The following AKR1C8 variants were observed in gnomAD, a reference collection of about 807,000 sequenced individuals.
AKR1C8 encodes aldo-keto reductase family 1 member C8.
the AKR1C8 span, among the ~76,000 whole-genome samples, chr10:5,174,283 A>T: frequency 7.0e-5 from 2 of 28,456 alleles, no homozygotes; most frequent in Admixed American, 3.2e-4. Context: ...GATGTCTATA[A>T]AAAAAAAAAC....
the AKR1C8 span, among the ~76,000 whole-genome samples, chr10:5,183,379 C>A: frequency 6.6e-6 from 1 of 152,072 alleles, no homozygotes; most frequent in African/African-American, 2.4e-5. Context: ...ATAACTATAA[C>A]TACCAATTAT....
chr10:5,150,788 T>C, the AKR1C8 span, among the ~76,000 whole-genome samples: 4,794 of 152,180 alleles, frequency 0.032, 255 homozygotes, highest in African/African-American at 0.11. Context: ...GAGACTCAGT[T>C]TCCCAAGAAA....
the AKR1C8 span, among the ~76,000 whole-genome samples, chr10:5,157,181 CA>C: frequency 7.1e-6 from 1 of 141,234 alleles, no homozygotes; most frequent in Non-Finnish European, 1.6e-5. Flanking sequence ...AATTAATAAA[CA>C]AAAAACTCAC....
At chr10:5,173,917 A>C in the AKR1C8 span, among the ~76,000 whole-genome samples, 1 of 152,122 alleles carries the variant, frequency 6.6e-6, no homozygotes, top group African/African-American at 2.4e-5. Flanking sequence ...TACCACCCTT[A>C]ATACCTGCAT....
chr10:5,183,703 T>G, the AKR1C8 span, among the ~76,000 whole-genome samples: 2 of 151,524 alleles, frequency 1.3e-5, no homozygotes, highest in Admixed American at 6.6e-5. Context: ...GAGAAAAAAC[T>G]TAAACAGTTA....
chr10:5,177,922 A>G, the AKR1C8 span, among the ~76,000 whole-genome samples: 1 of 152,160 alleles, frequency 6.6e-6, no homozygotes, highest in African/African-American at 2.4e-5. Flanking sequence ...GATCCTTTCA[A>G]AAAAACAGCT....
At chr10:5,166,258 G>T in the AKR1C8 span, among the ~76,000 whole-genome samples, 275 of 151,998 alleles carry the variant, frequency 1.8e-3, no homozygotes, top group African/African-American at 5.5e-3. Context: ...AGCTACCAAT[G>T]ACTTTCTTCA....
At chr10:5,117,662 A>T in the AKR1C8 span, among the ~76,000 whole-genome samples, 1 of 152,164 alleles carries the variant, frequency 6.6e-6, no homozygotes, top group Admixed American at 6.6e-5. Flanking sequence ...GAAGCATAGC[A>T]TTGGCATCTC....
At chr10:5,122,668 T>G in the AKR1C8 span, among the ~76,000 whole-genome samples, 1 of 152,138 alleles carries the variant, frequency 6.6e-6, no homozygotes, top group African/African-American at 2.4e-5. Flanking sequence ...CATCTATGTG[T>G]CTCAAAGATC....
the AKR1C8 span, among the ~76,000 whole-genome samples, chr10:5,141,183 G>T: frequency 2.0e-5 from 3 of 152,216 alleles, no homozygotes; most frequent in African/African-American, 7.2e-5. Flanking sequence ...GAAAAGAGTA[G>T]ATTTCAACCC....
At chr10:5,151,938 T>C in the AKR1C8 span, among the ~76,000 whole-genome samples, 3 of 152,294 alleles carry the variant, frequency 2.0e-5, no homozygotes, top group African/African-American at 7.2e-5. Flanking sequence ...GGCTTCTTCC[T>C]GCTGACAGGA....
the AKR1C8 span, among the ~76,000 whole-genome samples, chr10:5,132,364 A>T: frequency 6.6e-6 from 1 of 152,228 alleles, no homozygotes; most frequent in Non-Finnish European, 1.5e-5. Context: ...TATTTTACTG[A>T]TCTGAGCTGT....
the AKR1C8 span, among the ~76,000 whole-genome samples, chr10:5,181,210 C>T: frequency 6.6e-6 from 1 of 152,106 alleles, no homozygotes; most frequent in Non-Finnish European, 1.5e-5. Flanking sequence ...ATAAAAATCT[C>T]ATCTCATTGT....
chr10:5,149,777 AT>A, the AKR1C8 span, among the ~76,000 whole-genome samples: 1 of 152,198 alleles, frequency 6.6e-6, no homozygotes, highest in Non-Finnish European at 1.5e-5. Flanking sequence ...AAACAAACAC[AT>A]TCTTATTAAA....
At chr10:5,156,381 C>T in the AKR1C8 span, among the ~76,000 whole-genome samples, 10 of 152,132 alleles carry the variant, frequency 6.6e-5, no homozygotes, top group African/African-American at 2.4e-4. Flanking sequence ...ATAAATCTCT[C>T]TTACTTAAGT....
chr10:5,122,043 A>T, the AKR1C8 span: 1 of 261,944 alleles, frequency 3.8e-6, no homozygotes, highest in Admixed American at 4.9e-5. Context: ...GTTTTTGTGC[A>T]TCCTGCAGAA....
chr10:5,154,105 A>C, the AKR1C8 span: 1 of 464,940 alleles, frequency 2.2e-6, no homozygotes, highest in Non-Finnish European at 4.5e-6. Flanking sequence ...ACCTAAAAGG[A>C]GGAAATTGTG....
At chr10:5,120,247 C>A in the AKR1C8 span, among the ~76,000 whole-genome samples, 1 of 152,292 alleles carries the variant, frequency 6.6e-6, no homozygotes, top group East Asian at 1.9e-4. Context: ...CAATGCTTAT[C>A]ACTGGCTTAC....
At chr10:5,138,367 G>A in the AKR1C8 span, among the ~76,000 whole-genome samples, 1,690 of 152,090 alleles carry the variant, frequency 0.011, 13 homozygotes, top group Middle Eastern at 0.017. Flanking sequence ...CTACTTGCAC[G>A]TCCATTTATA....
Sources: allele counts gnomAD v4.1 joint callset (sites outside exome capture counted in the v4.1 genomes callset), GRCh38; gene constraint gnomAD v4.1.1; transcripts MANE v1.5; gene names NCBI Gene and HGNC (gene_info 2026-07-23, HGNC 2026-07-21).